The following ABCG2 variants were observed in gnomAD, a reference collection of about 807,000 sequenced individuals.
ABCG2 encodes ATP binding cassette subfamily G member 2 (JR blood group), also known as broad substrate specificity ATP-binding cassette transporter ABCG2.
A neutral mutation model predicts 73.5 loss-of-function variants in ABCG2; 80 were observed. The observed-to-expected ratio is 1.09, with a 90% CI of 0.91 to 1.31. ABCG2 has a LOEUF of 1.31. Among genes scored for constraint, ABCG2 ranks in the 50% most tolerant of loss-of-function variants. ABCG2 has a pLI of 0.00. For missense variants in ABCG2, 796 were observed against 786.2 expected (o/e 1.01, Z -0.15); for synonymous variants, 269 against 282.4 (o/e 0.95, Z 0.48).
chr4:88,104,856 G>A (rs1260737697), intron 10 of ABCG2, among the ~76,000 whole-genome samples: 8 of 152,070 alleles, frequency 5.3e-5, no homozygotes, highest in Non-Finnish European at 1.2e-4. Context: ...AACACCTAAA[G>A]TTCTTCTTTA....
intron 5 of ABCG2, among the ~76,000 whole-genome samples, chr4:88,122,009 A>ATT (rs1404994559): frequency 1.3e-5 from 2 of 152,032 alleles, no homozygotes. Context: ...ACTAAGCCTG[A>ATT]TACAAAGCAC....
intron 1 of ABCG2, among the ~76,000 whole-genome samples, chr4:88,218,798 G>C (rs973855547): frequency 6.6e-6 from 1 of 152,234 alleles, no homozygotes; most frequent in Non-Finnish European, 1.5e-5. Flanking sequence ...TCAGAGAAGA[G>C]TAGACAATAT....
chr4:88,135,457 C>T (rs1366285720), intron 2 of ABCG2, among the ~76,000 whole-genome samples: 1 of 152,142 alleles, frequency 6.6e-6, no homozygotes, highest in Admixed American at 6.5e-5. Flanking sequence ...AATGATTAAT[C>T]CCTTGGTCTT....
chr4:88,215,983 C>T (rs1729796620), intron 1 of ABCG2, among the ~76,000 whole-genome samples: 1 of 152,214 alleles, frequency 6.6e-6, no homozygotes, highest in South Asian at 2.1e-4. Flanking sequence ...CTTGGCCCCA[C>T]TGACATTTTG....
At chr4:88,204,447 A>G (rs1434063243) in intron 1 of ABCG2, among the ~76,000 whole-genome samples, 3 of 151,918 alleles carry the variant, frequency 2.0e-5, no homozygotes, top group African/African-American at 7.2e-5. Context: ...AACAAACAAA[A>G]GAATTCAAGC....
intron 1 of ABCG2, among the ~76,000 whole-genome samples, chr4:88,181,714 G>A (rs1424454597): frequency 8.5e-5 from 13 of 152,184 alleles, no homozygotes; most frequent in Non-Finnish European, 4.4e-5. Flanking sequence ...CTGGATGACA[G>A]AGTGAGACCC....
intron 12 of ABCG2, 45 bp downstream of exon 12, chr4:88,099,279 G>A: frequency 6.7e-7 from 1 of 1,503,078 alleles, no homozygotes; most frequent in South Asian, 1.4e-5. Context: ...TTCACCCATA[G>A]GCAAGACTAA....
At chr4:88,133,102 A>G (rs1247860564) in intron 2 of ABCG2, among the ~76,000 whole-genome samples, 1 of 152,236 alleles carries the variant, frequency 6.6e-6, no homozygotes, top group African/African-American at 2.4e-5. Flanking sequence ...CTTGTGAAAC[A>G]TCTCCGTTAC....
intron 1 of ABCG2, among the ~76,000 whole-genome samples, chr4:88,221,602 A>G (rs1560466006): frequency 6.6e-6 from 1 of 152,202 alleles, no homozygotes; most frequent in East Asian, 1.9e-4. Context: ...TATGGACAAT[A>G]AAGTGCAGGC....
In ABCG2 at chr4:88,132,700, A is replaced by G. The variant is rs1273862974; in HGVS notation, c.204-65T>C. 5.2e-6 allele frequency: 8 copies of G among 1,541,682 alleles called. No homozygotes were observed. The African/African-American group carries it at 6.8e-5, about 13-fold the overall frequency. Reference sequence around the variant, plus strand: ...AAGTCAGGTTCTATTAATTTAGGGTAGGCACTGAATATACTCAATGAAGGT... The same window carrying G: ...AAGTCAGGTTCTATTAATTTAGGGTGGGCACTGAATATACTCAATGAAGGT... On this transcript the variant is annotated intron_variant, in intron 2 of 15. Coordinates refer to ENST00000237612, the MANE Select transcript of ABCG2 (RefSeq NM_004827.3).
intron 7 of ABCG2, among the ~76,000 whole-genome samples, chr4:88,116,342 G>A (rs1329961199): frequency 6.6e-6 from 1 of 152,140 alleles, no homozygotes; most frequent in African/African-American, 2.4e-5. Flanking sequence ...TTTGGATGAT[G>A]AGATCATCTG....
intron 1 of ABCG2, among the ~76,000 whole-genome samples, chr4:88,150,105 C>T (rs1388489131): frequency 2.6e-5 from 4 of 152,030 alleles, no homozygotes; most frequent in Admixed American, 6.6e-5. Flanking sequence ...GCTTGAGGCC[C>T]GGAATTTGGA....
chr4:88,188,214 C>A (rs988683192), intron 1 of ABCG2, among the ~76,000 whole-genome samples: 32 of 152,150 alleles, frequency 2.1e-4, no homozygotes, highest in African/African-American at 7.0e-4. Context: ...GTTTTCCCAG[C>A]CTCATATGTT....
intron 5 of ABCG2, among the ~76,000 whole-genome samples, chr4:88,124,612 C>T (rs1331025900): frequency 6.6e-6 from 1 of 152,158 alleles, no homozygotes; most frequent in Non-Finnish European, 1.5e-5. Flanking sequence ...GAAGAGCTAA[C>T]TATCTAAAAT....
intron 3 of ABCG2, 54 bp from the exon 4 acceptor site, chr4:88,131,971 G>T: frequency 7.3e-7 from 1 of 1,363,056 alleles, no homozygotes; most frequent in Non-Finnish European, 1.0e-6. Context: ...GAATATATAT[G>T]TTGTGGGGTT....
At chr4:88,214,796 T>C (rs1315874636) in intron 1 of ABCG2, among the ~76,000 whole-genome samples, 1 of 152,134 alleles carries the variant, frequency 6.6e-6, no homozygotes, top group African/African-American at 2.4e-5. Context: ...TGTTTGCTTG[T>C]TTGTTTTTGT....
At chr4:88,105,859 C>T (rs1043670244) in intron 10 of ABCG2, among the ~76,000 whole-genome samples, 2 of 152,184 alleles carry the variant, frequency 1.3e-5, no homozygotes, top group South Asian at 2.1e-4. Context: ...AAAAAACAAA[C>T]AATTCAATTT....
At chr4:88,227,203 C>A (rs1730255833) in intron 1 of ABCG2, among the ~76,000 whole-genome samples, 1 of 152,080 alleles carries the variant, frequency 6.6e-6, no homozygotes, top group African/African-American at 2.4e-5. Flanking sequence ...GACCAGCCTG[C>A]CTGACCAACA....
chr4:88,199,722 G>A (rs1001538161), intron 1 of ABCG2, among the ~76,000 whole-genome samples: 5 of 152,134 alleles, frequency 3.3e-5, no homozygotes, highest in Non-Finnish European at 2.9e-5. Flanking sequence ...TATTTAGGCC[G>A]GGCGCAGTGG....
Sources: gnomAD v4.1 joint callset for allele counts (sites outside exome capture counted in the v4.1 genomes callset) on GRCh38, gnomAD v4.1.1 for gene constraint, MANE v1.5 for transcripts, NCBI Gene and HGNC (gene_info 2026-07-23, HGNC 2026-07-21) for gene names.